MGAT4C: variants seen among roughly 807,000 people sequenced by gnomAD.
The protein encoded by MGAT4C is alpha-1,3-mannosyl-glycoprotein 4-beta-N-acetylglucosaminyltransferase C.
In MGAT4C, 19 loss-of-function variants were observed where a neutral mutation model predicts 40.1. The observed-to-expected ratio is 0.47, with a 90% CI of 0.33 to 0.70. The LOEUF (loss-of-function observed/expected upper bound fraction) is 0.70. Ranked by LOEUF, MGAT4C falls within the 30% of genes least tolerant of loss-of-function variation. MGAT4C has a pLI of 0.02. For synonymous variants in MGAT4C, 181 were observed against 187.1 expected (o/e 0.97, Z 0.27); for missense variants, 491 against 563.2 (o/e 0.87, Z 1.30).
intron 2 of MGAT4C, among the ~76,000 whole-genome samples, chr12:86,503,906 A>T (rs1281300303): frequency 1.3e-5 from 2 of 148,636 alleles, no homozygotes; most frequent in Non-Finnish European, 3.0e-5. Flanking sequence ...GTTGGAAAAG[A>T]CTTTTGAAAT....
At chr12:86,166,254 T>C (rs774922144) in intron 1 of MGAT4C, among the ~76,000 whole-genome samples, 2 of 152,212 alleles carry the variant, frequency 1.3e-5, no homozygotes, top group Non-Finnish European at 2.9e-5. Flanking sequence ...ATAAAATGCA[T>C]CTTAAATTCT....
intron 1 of MGAT4C, among the ~76,000 whole-genome samples, chr12:86,188,980 T>C (rs1345159863): frequency 6.6e-6 from 1 of 151,968 alleles, no homozygotes; most frequent in East Asian, 1.9e-4. Context: ...TTAGGGTAAC[T>C]AGACAGGTTT....
intron 1 of MGAT4C, among the ~76,000 whole-genome samples, chr12:86,184,490 G>A (rs1013972938): frequency 1.3e-5 from 2 of 151,392 alleles, no homozygotes; most frequent in South Asian, 2.1e-4. Context: ...TTCTTTTCTC[G>A]AAATTTTAAT....
intron 2 of MGAT4C, among the ~76,000 whole-genome samples, chr12:86,443,959 A>C (rs1351669353): frequency 1.3e-5 from 2 of 152,114 alleles, no homozygotes; most frequent in Non-Finnish European, 2.9e-5. Context: ...TTATTCATAT[A>C]AGTTACTCCC....
intron 2 of MGAT4C, among the ~76,000 whole-genome samples, chr12:86,583,289 T>C (rs1960869780): frequency 6.6e-6 from 1 of 151,308 alleles, no homozygotes; most frequent in Admixed American, 6.6e-5. Flanking sequence ...TTTGAGGAAA[T>C]GAGTTTCCTA....
At chr12:86,760,775 G>T (rs577298811) in intron 1 of MGAT4C, among the ~76,000 whole-genome samples, 1 of 152,120 alleles carries the variant, frequency 6.6e-6, no homozygotes, top group Non-Finnish European at 1.5e-5. Flanking sequence ...CAGCTCAGGG[G>T]AGAGAACTGC....
intron 1 of MGAT4C, among the ~76,000 whole-genome samples, chr12:86,764,413 G>C (rs1235418998): frequency 2.6e-5 from 4 of 152,162 alleles, no homozygotes; most frequent in Non-Finnish European, 5.9e-5. Context: ...GCCGGCCTCT[G>C]TAGGCTCCAC....
intron 1 of MGAT4C, among the ~76,000 whole-genome samples, chr12:86,820,776 T>C (rs1489599939): frequency 6.6e-6 from 1 of 150,906 alleles, no homozygotes; most frequent in East Asian, 1.9e-4. Flanking sequence ...GTGAAGGATA[T>C]ATTTGAGGAA....
intron 3 of MGAT4C, among the ~76,000 whole-genome samples, chr12:86,432,341 G>A (rs996221123): frequency 1.3e-5 from 2 of 152,078 alleles, no homozygotes; most frequent in African/African-American, 4.8e-5. Context: ...GCAGATACAT[G>A]GATGGTATTT....
intron 2 of MGAT4C, among the ~76,000 whole-genome samples, chr12:86,439,953 T>A (rs1481672570): frequency 6.6e-6 from 1 of 150,940 alleles, no homozygotes; most frequent in Non-Finnish European, 1.5e-5. Context: ...AACAGACCAA[T>A]AACAAGCAGT....
chr12:86,243,378 C>T (rs1383133956), intron 1 of MGAT4C, among the ~76,000 whole-genome samples: 1 of 152,228 alleles, frequency 6.6e-6, no homozygotes, highest in African/African-American at 2.4e-5. Flanking sequence ...GTGGTAGACA[C>T]ACCCTGAGGT....
chr12:86,180,265 C>A (rs1369519814), intron 1 of MGAT4C, among the ~76,000 whole-genome samples: 1 of 152,198 alleles, frequency 6.6e-6, no homozygotes, highest in African/African-American at 2.4e-5. Flanking sequence ...TATGGAAATG[C>A]TTGGATGCCC....
intron 2 of MGAT4C, among the ~76,000 whole-genome samples, chr12:86,671,593 C>T (rs926587248): frequency 6.6e-6 from 1 of 151,922 alleles, no homozygotes; most frequent in Non-Finnish European, 1.5e-5. Flanking sequence ...AGACTGAAAA[C>T]AATGGGATGA....
At chr12:86,381,005 T>C (rs1955917682) in intron 3 of MGAT4C, among the ~76,000 whole-genome samples, 1 of 152,094 alleles carries the variant, frequency 6.6e-6, no homozygotes, top group Non-Finnish European at 1.5e-5. Flanking sequence ...AAGAATAGCA[T>C]ACATGTTTTT....
intron 2 of MGAT4C, among the ~76,000 whole-genome samples, chr12:85,990,084 T>C (rs1885713716): frequency 6.6e-6 from 1 of 152,074 alleles, no homozygotes; most frequent in South Asian, 2.1e-4. Flanking sequence ...AATCCAAACA[T>C]ATGTTTGAAA....
intron 2 of MGAT4C, among the ~76,000 whole-genome samples, chr12:86,043,748 G>A (rs1360327594): frequency 6.6e-6 from 1 of 152,124 alleles, no homozygotes; most frequent in Non-Finnish European, 1.5e-5. Flanking sequence ...CTCTCTTTCA[G>A]GGATGTCAAT....
In MGAT4C at chr12:86,657,360, C is replaced by T. The variant is rs1201320024; in HGVS notation, c.-229+69849G>A. ...CCTCATGACCATAGGGAGAAATGCT[C>T]TTTCTTCAGTAGGATATATTTAAAA... On this transcript the variant is annotated intron_variant, in intron 2 of 7. Transcript: ENST00000548651. Among the ~76,000 whole-genome samples, 9 of 151,698 alleles carry T rather than the reference C, an allele frequency of 5.9e-5. No individual in the cohort carries two copies. In the South Asian group the frequency reaches 1.2e-3, roughly 21 times the overall value.
intron 2 of MGAT4C, among the ~76,000 whole-genome samples, chr12:86,028,788 A>G (rs1475557273): frequency 6.6e-6 from 1 of 151,934 alleles, no homozygotes; most frequent in African/African-American, 2.4e-5. Flanking sequence ...GGGTAGGATT[A>G]CCTTATTAAA....
At chr12:86,240,029 AAAAAAAAAAT>A (rs1046580784) in intron 1 of MGAT4C, among the ~76,000 whole-genome samples, 12 of 67,710 alleles carry the variant, frequency 1.8e-4, no homozygotes, top group African/African-American at 4.1e-4. Flanking sequence ...AGTATAATAA[AAAAAAAAAAT>A]AAAAAATAAA....
Sources: gnomAD v4.1 joint callset for allele counts (sites outside exome capture counted in the v4.1 genomes callset) on GRCh38, gnomAD v4.1.1 for gene constraint, MANE v1.5 for transcripts, NCBI Gene and HGNC (gene_info 2026-07-23, HGNC 2026-07-21) for gene names.